Variants in MARCHF6 observed in about 807,000 individuals in gnomAD.
MARCHF6 encodes the protein membrane associated ring-CH-type finger 6.
A neutral mutation model predicts 133.7 loss-of-function variants in MARCHF6; 31 were observed. The observed-to-expected ratio is 0.23, with a 90% CI of 0.17 to 0.31. The LOEUF (loss-of-function observed/expected upper bound fraction) is 0.31, where lower values mean the gene tolerates loss of function less well. MARCHF6 is among the 10% of genes least tolerant of loss of function. The probability of loss-of-function intolerance (pLI) is 1.00; values close to 1 mark genes in which losing one functional copy is unlikely to be tolerated. For synonymous variants in MARCHF6, 395 were observed against 402.5 expected (o/e 0.98, Z 0.22); for missense variants, 723 against 1,121.6 (o/e 0.64, Z 5.08).
chr5:10,410,098 A>T (rs756195619), intron 17 of MARCHF6, 41 bp from the exon 18 acceptor site: 52 of 1,604,424 alleles, frequency 3.2e-5, no homozygotes, highest in Non-Finnish European at 4.3e-5. Context: ...TAGTAGTCAT[A>T]TGCAAAATAC....
At chr5:10,430,052 T>A in intron 25 of MARCHF6, 24 bp downstream of exon 25, 3 of 1,598,218 alleles carry the variant, frequency 1.9e-6, no homozygotes, top group Non-Finnish European at 2.6e-6. Flanking sequence ...TCTGTTCGTC[T>A]CTTGTTTAAG....
intron 10 of MARCHF6, among the ~76,000 whole-genome samples, chr5:10,397,579 G>GT (rs576844573): frequency 1.3e-3 from 186 of 147,758 alleles, no homozygotes; most frequent in African/African-American, 3.1e-3. Flanking sequence ...GCATTTCTGG[G>GT]TTTTTTTTTT....
chr5:10,418,309 GGCC>G (rs1739632214), intron 22 of MARCHF6, among the ~76,000 whole-genome samples: 1 of 151,812 alleles, frequency 6.6e-6, no homozygotes, highest in African/African-American at 2.4e-5. Flanking sequence ...GAGCCTGGGA[GGCC>G]GCGGTTGCAG....
chr5:10,375,220 G>A (rs566575788), intron 1 of MARCHF6, among the ~76,000 whole-genome samples: 8 of 152,370 alleles, frequency 5.3e-5, no homozygotes, highest in Admixed American at 2.6e-4. Context: ...GGAGTTCCGG[G>A]TGGGCATGGG....
At chr5:10,395,537 T>C (rs1052033031) in intron 9 of MARCHF6, among the ~76,000 whole-genome samples, 3 of 152,200 alleles carry the variant, frequency 2.0e-5, no homozygotes, top group Non-Finnish European at 2.9e-5. Flanking sequence ...AGCAATTCTT[T>C]AAAGAACTTG....
At position 10,377,258 on chromosome 5, in the gene MARCHF6, C is replaced by T. The variant is rs187776186; in HGVS notation, c.20-540C>T. 3.2e-4 allele frequency among the ~76,000 whole-genome samples: 49 copies of T among 152,186 alleles called. No individual in the cohort carries two copies. The East Asian group carries it at 6.8e-3, about 21-fold the overall frequency. The stretch of plus-strand genomic sequence containing the variant: ...TTTTGTGGCTTTGGGGTATCCCCTC[C>T]CCCCACCAGCCCTTAAAGTGTGTGT... On this transcript the variant is annotated intron_variant, in intron 1 of 25. Transcript: ENST00000274140.
chr5:10,381,762 T>C (rs781402989), intron 3 of MARCHF6, 38 bp from the exon 4 acceptor site: 1 of 1,504,136 alleles, frequency 6.6e-7, no homozygotes, highest in South Asian at 1.3e-5. Context: ...TATTTTCGAA[T>C]CTTCATGAAA....
At chr5:10,401,816 C>T in intron 11 of MARCHF6, 1 of 529,522 alleles carries the variant, frequency 1.9e-6, no homozygotes, top group South Asian at 2.9e-5. Context: ...ATTCACTCTA[C>T]TGTTATTTTG....
rs1740088203 is a variant in MARCHF6 at position 10,426,401 on chromosome 5, T to C, written c.2385T>C (p.Asn795=). 1.2e-6 allele frequency: 2 copies of C among 1,613,570 alleles called. No homozygotes were observed. Among genetic ancestry groups the C allele is most frequent in the Non-Finnish European group, 1.7e-6 (2 of 1,179,794 alleles). ...TTGTAATGTTTCAGGTTTACGCAAA[T>C]GGCATCCGGAACATTGACCTTCACT... ...LKTVIEQVYA[N]GIRNIDLHYI... Residue 795 remains asparagine (N), a synonymous_variant, in exon 24 of 26, where the codon AAT becomes AAC. Transcript: ENST00000274140.
At chr5:10,386,968 T>C (rs1309304277) in intron 4 of MARCHF6, 26 bp from the exon 5 acceptor site, 8 of 1,592,410 alleles carry the variant, frequency 5.0e-6, no homozygotes, top group Non-Finnish European at 6.9e-6. Flanking sequence ...GTTGTGACTG[T>C]GTGCCATCAT....
intron 3 of MARCHF6, 70 bp from the exon 4 acceptor site, chr5:10,381,730 A>G: frequency 1.6e-6 from 2 of 1,241,168 alleles, no homozygotes; most frequent in Non-Finnish European, 2.2e-6. Flanking sequence ...GTTAATGTCT[A>G]TTTTATATTT....
At chr5:10,363,651 A>C (rs574189206) in intron 1 of MARCHF6, among the ~76,000 whole-genome samples, 3 of 152,358 alleles carry the variant, frequency 2.0e-5, no homozygotes, top group African/African-American at 7.2e-5. Flanking sequence ...ATATATTCAC[A>C]CAAAAACCTG....
chr5:10,387,445 G>A (rs1175193249), intron 5 of MARCHF6, among the ~76,000 whole-genome samples: 1 of 151,952 alleles, frequency 6.6e-6, no homozygotes, highest in Admixed American at 6.6e-5. Context: ...TGGGATTACA[G>A]GCACTCGCCA....
intron 1 of MARCHF6, among the ~76,000 whole-genome samples, chr5:10,376,003 G>A (rs574642225): frequency 6.6e-6 from 1 of 152,250 alleles, no homozygotes; most frequent in East Asian, 1.9e-4. Context: ...GATTGTAAAT[G>A]TACCAATCAG....
In MARCHF6 at chr5:10,417,253, C is replaced by T; in HGVS notation, c.2149-17C>T. On this transcript the variant is annotated splice_polypyrimidine_tract_variant and intron_variant, in intron 21 of 25. Coordinates refer to ENST00000274140, the MANE Select transcript of MARCHF6 (RefSeq NM_005885.4). ...GAAAGATCCTCTTTAATGATGTGGG[C>T]TCCTGTTTCCTAATAGATCATGAAG... 6.3e-7 allele frequency: 1 copy of T among 1,597,984 alleles called. No homozygotes were observed. The highest frequency in any genetic ancestry group is 1.1e-5 in the South Asian group (1 of 87,680).
At chr5:10,428,992 C>G (rs2126362235) in intron 24 of MARCHF6, among the ~76,000 whole-genome samples, 1 of 152,226 alleles carries the variant, frequency 6.6e-6, no homozygotes, top group Non-Finnish European at 1.5e-5. Flanking sequence ...TTTGTCAACT[C>G]TGTTTTAGAA....
At chr5:10,375,326 G>A (rs1230487106) in intron 1 of MARCHF6, among the ~76,000 whole-genome samples, 2 of 152,246 alleles carry the variant, frequency 1.3e-5, no homozygotes, top group African/African-American at 4.8e-5. Flanking sequence ...GGGTGTACTG[G>A]GTCCCCCAGC....
chr5:10,381,133 TGA>T (rs1737116114), intron 3 of MARCHF6, among the ~76,000 whole-genome samples: 1 of 152,226 alleles, frequency 6.6e-6, no homozygotes, highest in East Asian at 1.9e-4. Context: ...TAGAGGTTTT[TGA>T]TAATAGGCAG....
chr5:10,409,249 T>G (rs1406030080), intron 17 of MARCHF6, among the ~76,000 whole-genome samples: 1 of 152,224 alleles, frequency 6.6e-6, no homozygotes, highest in Non-Finnish European at 1.5e-5. Flanking sequence ...ATATCCTGAT[T>G]ATTTAAAGTG....
Sources: gnomAD v4.1 joint callset for allele counts (sites outside exome capture counted in the v4.1 genomes callset) on GRCh38, gnomAD v4.1.1 for gene constraint, MANE v1.5 for transcripts, NCBI Gene and HGNC (gene_info 2026-07-23, HGNC 2026-07-21) for gene names.